The following TMEM255B variants were observed in gnomAD, a reference collection of about 807,000 sequenced individuals.
TMEM255B encodes transmembrane protein 255B.
In TMEM255B, 35 loss-of-function variants were observed where a neutral mutation model predicts 34.5. The observed-to-expected ratio is 1.01, with a 90% CI of 0.77 to 1.34. TMEM255B has a LOEUF of 1.34. Ranked by LOEUF, TMEM255B falls within the 40% of genes most tolerant of loss-of-function variation. TMEM255B has a pLI of 0.00. For missense variants in TMEM255B, 432 were observed against 433.2 expected (o/e 1.00, Z 0.02); for synonymous variants, 206 against 201.2 (o/e 1.02, Z -0.20).
At chr13:113,772,067 G>T (rs1169757480) in intron 3 of TMEM255B, among the ~76,000 whole-genome samples, 1 of 152,110 alleles carries the variant, frequency 6.6e-6, no homozygotes, top group African/African-American at 2.4e-5. Context: ...ATCTCATTGT[G>T]GTTTTGATTG....
intron 4 of TMEM255B, among the ~76,000 whole-genome samples, chr13:113,796,960 C>T (rs941024185): frequency 6.7e-6 from 1 of 150,152 alleles, no homozygotes; most frequent in African/African-American, 2.5e-5. Context: ...CTCGCGCGCA[C>T]ACACACACTC....
At chr13:113,761,450 G>A in intron 1 of TMEM255B, 2 of 811,306 alleles carry the variant, frequency 2.5e-6, no homozygotes, top group Non-Finnish European at 1.5e-6. Flanking sequence ...AGAAGTGGGG[G>A]CTGGTGGGGA....
intron 4 of TMEM255B, among the ~76,000 whole-genome samples, chr13:113,796,950 C>G (rs1017676140): frequency 2.0e-5 from 3 of 152,102 alleles, no homozygotes; most frequent in African/African-American, 7.2e-5. Flanking sequence ...CATGCTCACA[C>G]TCGCGCGCAC....
At chr13:113,768,218 G>A (rs976144856) in intron 2 of TMEM255B, 1 of 470,654 alleles carries the variant, frequency 2.1e-6, no homozygotes, top group South Asian at 1.6e-5. Context: ...TTAGGCCTCG[G>A]CACGGTCGTT....
At chr13:113,799,690 C>A in intron 5 of TMEM255B, 2 of 684,798 alleles carry the variant, frequency 2.9e-6, no homozygotes, top group South Asian at 3.2e-5. Flanking sequence ...TATGGCTCTT[C>A]CAATTAGCAT....
chr13:113,763,966 C>G (rs146008671), intron 1 of TMEM255B, among the ~76,000 whole-genome samples: 1 of 152,230 alleles, frequency 6.6e-6, no homozygotes, highest in East Asian at 1.9e-4. Context: ...GGCCTTGGGC[C>G]GTGTGTTCCG....
chr13:113,787,521 C>G (rs935266122), intron 3 of TMEM255B, among the ~76,000 whole-genome samples: 1 of 151,926 alleles, frequency 6.6e-6, no homozygotes, highest in Non-Finnish European at 1.5e-5. Context: ...GTGGATGGTG[C>G]GAGTGTAGGG....
At chr13:113,781,057 A>C (rs1489466041) in intron 3 of TMEM255B, among the ~76,000 whole-genome samples, 2 of 152,244 alleles carry the variant, frequency 1.3e-5, no homozygotes, top group African/African-American at 4.8e-5. Flanking sequence ...AATAAGCCGA[A>C]TTTCACCTTT....
At chr13:113,803,856 C>T (rs950247097) in intron 7 of TMEM255B, among the ~76,000 whole-genome samples, 9 of 19,342 alleles carry the variant, frequency 4.7e-4, no homozygotes, top group African/African-American at 2.1e-3. Flanking sequence ...CGGGCAGCAC[C>T]GTTGTCTGAG....
At chr13:113,801,011 ACCCCTATATCTACACCT>A in intron 6 of TMEM255B, 99 bp downstream of exon 6, 1 of 400,502 alleles carries the variant, frequency 2.5e-6, no homozygotes, top group Middle Eastern at 5.8e-4. Flanking sequence ...GGCGCTGGGG[ACCCCTATATCTACACCT>A]GAGGGAGGTG....
Position 113,812,665 on chromosome 13 carries a change from T to A in TMEM255B, c.*762T>A, listed in dbSNP as rs1488421666. ...GGCTCAGGGTCTGGGGCCGCAGCAC[T>A]CCCTGTGGAAACCAGCTTAGCTCCC... is the stretch of plus-strand genomic sequence containing the variant. On this transcript the variant is annotated 3_prime_UTR_variant, in exon 9 of 9. Transcript: ENST00000375353. The A allele has an allele frequency of 1.3e-5, 2 of 152,488 alleles. No homozygotes were observed. The highest frequency in any genetic ancestry group is 2.9e-5 in the Non-Finnish European group (2 of 68,282). 9.4% of individuals were successfully genotyped at this position (152,488 alleles called of 1,614,324 possible).
intron 3 of TMEM255B, among the ~76,000 whole-genome samples, chr13:113,780,257 C>T (rs138733545): frequency 1.4e-4 from 21 of 152,332 alleles, no homozygotes; most frequent in African/African-American, 5.1e-4. Flanking sequence ...AGTTTGATTC[C>T]TTAAAGGAAA....
intron 3 of TMEM255B, among the ~76,000 whole-genome samples, chr13:113,774,726 ACACACACGACAC>A (rs375377788): frequency 0.085 from 12,651 of 149,496 alleles, 624 homozygotes; most frequent in South Asian, 0.17. Flanking sequence ...CACATACACT[ACACACACGACAC>A]CACACACACT....
intron 3 of TMEM255B, among the ~76,000 whole-genome samples, chr13:113,786,424 C>T (rs1041945119): frequency 6.6e-6 from 1 of 152,056 alleles, no homozygotes; most frequent in African/African-American, 2.4e-5. Flanking sequence ...CTGTCATCAC[C>T]CTCGTCACCA....
rs1384953488 is a variant in TMEM255B, at chr13:113,806,652, G to A, written c.813+1624G>A. Among the ~76,000 whole-genome samples, 1 of 152,162 alleles carries A rather than the reference G, an allele frequency of 6.6e-6. No individual in the cohort carries two copies. The highest frequency in any genetic ancestry group is 2.1e-4 in the South Asian group (1 of 4,828). The stretch of plus-strand genomic sequence containing the variant: ...TCCTGCAGGCAGGCGCGTCTGCTTG[G>A]TGCCACAGGCAGCTTCATCCTTCCC... On this transcript the variant is annotated intron_variant, in intron 8 of 8. Transcript: ENST00000375353. The surrounding 1 kb of genome is among the most constrained non-coding windows in gnomAD (Gnocchi z 4.2).
At chr13:113,771,759 G>A (rs1334135544) in intron 3 of TMEM255B, among the ~76,000 whole-genome samples, 1 of 152,208 alleles carries the variant, frequency 6.6e-6, no homozygotes, top group Non-Finnish European at 1.5e-5. Flanking sequence ...CCAGTTGATG[G>A]ACATTACAGC....
chr13:113,808,890 T>G (rs2051242881), intron 8 of TMEM255B, among the ~76,000 whole-genome samples: 1 of 142,332 alleles, frequency 7.0e-6, no homozygotes, highest in Admixed American at 7.0e-5. Context: ...TTCCTGGGGG[T>G]TTGCTCCATG....
In TMEM255B at chr13:113,799,784, G is replaced by A. The variant is rs1474323986; in HGVS notation, c.423+365G>A. The A allele has an allele frequency of 2.0e-5, 13 of 661,952 alleles. 1 individual carries two copies. Among genetic ancestry groups the A allele is most frequent in the Admixed American group, 1.7e-4 (8 of 48,008 alleles). The allele number at this position is 661,952 out of a possible 1,614,324, so 41.0% of individuals were successfully genotyped here. A position where few individuals can be genotyped will look rare whatever the true frequency, so the allele number is the denominator to read the frequency against. ...AACTTCTGGATTTCCCTGAGCCACC[G>A]ACAGCGGCAGTGTGACCTCATTTCT... On this transcript the variant is annotated intron_variant, in intron 5 of 8. Transcript: ENST00000375353.
At chr13:113,759,427 C>T in intron 1 of TMEM255B, 112 bp downstream of exon 1, 1 of 999,534 alleles carries the variant, frequency 1.0e-6, no homozygotes, top group Non-Finnish European at 1.3e-6. Flanking sequence ...GGAGACGCGG[C>T]ACGGGGTCTG....
Sources: gnomAD v4.1 joint callset for allele counts (sites outside exome capture counted in the v4.1 genomes callset) on GRCh38, gnomAD v4.1.1 for gene constraint, Gnocchi (gnomAD v3.1) non-coding constraint, MANE v1.5 for transcripts, NCBI Gene and HGNC (gene_info 2026-07-23, HGNC 2026-07-21) for gene names.